Variants in VWA8 observed in about 807,000 individuals in gnomAD.
VWA8 encodes von Willebrand factor A domain-containing protein 8.
Under a neutral mutation model 241.5 loss-of-function variants are expected in VWA8, and 221 were observed. The ratio of observed to expected loss-of-function variants is 0.91; its 90% CI spans 0.82 to 1.02. The LOEUF (loss-of-function observed/expected upper bound fraction) is 1.02, where lower values mean the gene tolerates loss of function less well. VWA8 is among the 50% of genes least tolerant of loss of function. The pLI, the probability that VWA8 is intolerant of heterozygous loss-of-function variation, is 0.00. For synonymous variants in VWA8, 852 were observed against 827.1 expected (o/e 1.03, Z -0.52); for missense variants, 2,322 against 2,328.7 (o/e 1.00, Z 0.06).
chr13:41,869,924 TGA>T (rs1302799212), intron 9 of VWA8, among the ~76,000 whole-genome samples: 1 of 152,144 alleles, frequency 6.6e-6, no homozygotes, highest in Non-Finnish European at 1.5e-5. Flanking sequence ...ATTACTATAG[TGA>T]AAGAGTTGAA....
chr13:41,819,614 C>T (rs1870861752), intron 14 of VWA8, among the ~76,000 whole-genome samples: 3 of 152,178 alleles, frequency 2.0e-5, no homozygotes, highest in Admixed American at 2.0e-4. Flanking sequence ...ACAATAACCA[C>T]TCATGAAACT....
intron 12 of VWA8, among the ~76,000 whole-genome samples, chr13:41,847,779 A>G (rs1566480144): frequency 6.6e-6 from 1 of 152,220 alleles, no homozygotes; most frequent in Non-Finnish European, 1.5e-5. Context: ...ATGGGAGGCC[A>G]TTGACAGATT....
At chr13:41,634,708 G>GA (rs34688799) in intron 37 of VWA8, among the ~76,000 whole-genome samples, 6,504 of 144,686 alleles carry the variant, frequency 0.045, 201 homozygotes, top group African/African-American at 0.089. Context: ...TCTTCAAAGT[G>GA]AAAAAAAAAA....
At chr13:41,632,701 T>C (rs911315082) in intron 37 of VWA8, among the ~76,000 whole-genome samples, 11 of 152,208 alleles carry the variant, frequency 7.2e-5, no homozygotes, top group Non-Finnish European at 1.5e-4. Context: ...ATAATGCTTA[T>C]GAATCCACTG....
intron 18 of VWA8, among the ~76,000 whole-genome samples, chr13:41,784,340 C>T (rs996841822): frequency 6.6e-6 from 1 of 151,966 alleles, no homozygotes; most frequent in Admixed American, 6.6e-5. Flanking sequence ...GTCAAAAATA[C>T]AGATGAACTA....
intron 26 of VWA8, among the ~76,000 whole-genome samples, chr13:41,708,453 C>T (rs2045296477): frequency 6.6e-6 from 1 of 152,118 alleles, no homozygotes; most frequent in African/African-American, 2.4e-5. Context: ...AAATTAGTAA[C>T]AATGGATACC....
At chr13:41,752,504 C>T (rs966030441) in intron 21 of VWA8, among the ~76,000 whole-genome samples, 1 of 152,124 alleles carries the variant, frequency 6.6e-6, no homozygotes, top group Non-Finnish European at 1.5e-5. Flanking sequence ...CTAAAACAGA[C>T]ACTGCCAAAC....
chr13:41,581,190 G>A (rs1330398201), intron 42 of VWA8, among the ~76,000 whole-genome samples: 6 of 109,580 alleles, frequency 5.5e-5, no homozygotes, highest in Non-Finnish European at 8.5e-5. Flanking sequence ...TTTTAGTAGA[G>A]ACGGGGTTTC....
chr13:41,701,328 T>A, intron 28 of VWA8, 64 bp downstream of exon 28: 1 of 1,485,352 alleles, frequency 6.7e-7, no homozygotes, highest in Non-Finnish European at 8.9e-7. Context: ...CTAGAGATTA[T>A]TTTAATCCAT....
chr13:41,587,716 T>C (rs1011843276), intron 41 of VWA8, 46 bp from the exon 42 acceptor site: 1 of 1,606,512 alleles, frequency 6.2e-7, no homozygotes, highest in African/African-American at 1.3e-5. Context: ...CTGGCAAACT[T>C]CCCCTGGTGG....
chr13:41,847,339 A>C (rs1034542313), intron 12 of VWA8, among the ~76,000 whole-genome samples: 1 of 152,228 alleles, frequency 6.6e-6, no homozygotes, highest in Admixed American at 6.5e-5. Context: ...AGTGCATCAA[A>C]AACGCTTTCT....
rs767147626 is a variant in VWA8 at position 41,891,425 on chromosome 13, G to C, written c.646C>G (p.Leu216Val). ...ACAGGATTTTCTTTTCTTACTCGGA[G>C]AAGTTTGTCGTAACGCTCAGCAGAC... ...LMSAERYDKL[L>V]RDHTKKELDS... The change falls in exon 5 of 45, where the codon CTC becomes GTC. Residue 216 changes from leucine to valine, a missense_variant. Physicochemically the swap from Leu to Val is conservative, Grantham distance 32. Coordinates refer to ENST00000379310, the MANE Select transcript of VWA8 (RefSeq NM_015058.2). 3 of 1,614,028 alleles carry C rather than the reference G, an allele frequency of 1.9e-6. No individual in the cohort carries two copies. Among genetic ancestry groups the C allele is most frequent in the African/African-American group, 2.7e-5 (2 of 75,028 alleles).
chr13:41,931,151 G>C (rs1877092729), intron 2 of VWA8, among the ~76,000 whole-genome samples: 1 of 143,232 alleles, frequency 7.0e-6, no homozygotes, highest in African/African-American at 2.6e-5. Flanking sequence ...TCCGTCTCAG[G>C]GGAAAAAAAA....
At chr13:41,702,355 G>C (rs779987931) in intron 27 of VWA8, among the ~76,000 whole-genome samples, 45 of 152,262 alleles carry the variant, frequency 3.0e-4, no homozygotes, top group Middle Eastern at 3.4e-3. Flanking sequence ...CTTTAAAAAG[G>C]GTTCTGGAAA....
At chr13:41,917,136 T>C (rs1050879678) in intron 2 of VWA8, among the ~76,000 whole-genome samples, 2 of 152,230 alleles carry the variant, frequency 1.3e-5, no homozygotes, top group African/African-American at 2.4e-5. Context: ...AATTTTATCA[T>C]AGTTATCTAA....
rs79998063 is a variant in VWA8, at chr13:41,691,373, T to C, written c.3813A>G (p.Thr1271=). The C allele has an allele frequency of 7.2e-4, 1,154 of 1,612,816 alleles. 6 individuals carry two copies. Among genetic ancestry groups the C allele is most frequent in the Non-Finnish European group, 1.8e-4 (207 of 1,179,050 alleles). The part of the protein sequence containing the change: ...HTISLPINLK[T]VFLVAEDKWL... The stretch of plus-strand genomic sequence containing the variant: ...ATTTGTCCTCTGCTACAAGGAAAAC[T>C]GTCTTGAGGTTGATGGGAAGTGAGA... The change falls in exon 32 of 45, where the codon ACA becomes ACG. Residue 1271 remains threonine (T), a synonymous_variant. Coordinates refer to ENST00000379310, the MANE Select transcript of VWA8 (RefSeq NM_015058.2).
chr13:41,717,297 GAATATTTAAATATTCAAATATTTTAA>G (rs1448801261), intron 26 of VWA8, among the ~76,000 whole-genome samples: 1 of 150,592 alleles, frequency 6.6e-6, no homozygotes, highest in Non-Finnish European at 1.5e-5. Context: ...TTAAATATTT[GAATATTTAAATATTCAAATATTTTAA>G]AATATTTTTA....
intron 2 of VWA8, among the ~76,000 whole-genome samples, chr13:41,938,758 C>G (rs1321072024): frequency 1.4e-5 from 2 of 143,272 alleles, no homozygotes; most frequent in African/African-American, 5.0e-5. Flanking sequence ...AGTGGCAGCC[C>G]TGCATCTTTG....
chr13:41,797,816 T>C (rs1465253315), intron 17 of VWA8, among the ~76,000 whole-genome samples: 1 of 152,220 alleles, frequency 6.6e-6, no homozygotes, highest in African/African-American at 2.4e-5. Flanking sequence ...GTGACTCTTG[T>C]AGCAACATAT....
Sources: allele counts gnomAD v4.1 joint callset (sites outside exome capture counted in the v4.1 genomes callset), GRCh38; gene constraint gnomAD v4.1.1; transcripts MANE v1.5; gene names NCBI Gene and HGNC (gene_info 2026-07-23, HGNC 2026-07-21).